Variants in SYT3 observed in about 807,000 individuals in gnomAD.
The protein encoded by SYT3 is synaptotagmin 3, also known as synaptotagmin-3.
In SYT3, 25 loss-of-function variants were observed where a neutral mutation model predicts 50.6. That is an observed-to-expected ratio of 0.49 (90% CI 0.36 to 0.69). The LOEUF (loss-of-function observed/expected upper bound fraction) is 0.69, where lower values mean the gene tolerates loss of function less well. SYT3 is among the 30% of genes least tolerant of loss of function. SYT3 has a pLI of 0.00. For synonymous variants in SYT3, 323 were observed against 353.9 expected (o/e 0.91, Z 0.98); for missense variants, 589 against 793.6 (o/e 0.74, Z 3.10).
At chr19:50,641,845 G>A (rs1305837374), upstream of SYT3, among the ~76,000 whole-genome samples, 1 of 151,998 alleles carries the variant, frequency 6.6e-6, no homozygotes, top group Non-Finnish European at 1.5e-5. Context: ...GTGAGACCCT[G>A]TCTCAAAAAT....
the SYT3 span, among the ~76,000 whole-genome samples, chr19:50,657,504 TA>T: frequency 6.6e-6 from 1 of 152,212 alleles, no homozygotes; most frequent in Non-Finnish European, 1.5e-5. Context: ...TTCTGAATGT[TA>T]AATAGATTGA....
chr19:50,629,222 G>C (rs1372756046), intron 6 of SYT3, 72 bp downstream of exon 6: 1 of 1,244,930 alleles, frequency 8.0e-7, no homozygotes, highest in African/African-American at 1.5e-5. Flanking sequence ...TGAACTCTGA[G>C]GGCAGGGGGC....
Position 50,622,301 on chromosome 19 carries a change from AAAG to A in SYT3, c.*181_*183del, listed in dbSNP as rs1482374152. On this transcript the variant is annotated 3_prime_UTR_variant, in exon 11 of 11. Coordinates refer to ENST00000600079, the MANE Select transcript of SYT3 (RefSeq NM_001160329.2). ...TGGAGGCTGAATGACCCCCACCCTG[AAAG>A]AAGGAGCTGGGCCGGCCTCCTCTCA... 2 of 189,046 alleles carry A rather than the reference AAAG, an allele frequency of 1.1e-5. No homozygotes were observed. The highest frequency in any genetic ancestry group is 2.2e-5 in the Non-Finnish European group (2 of 91,794). 11.7% of individuals were successfully genotyped at this position (189,046 alleles called of 1,614,324 possible). A position where few individuals can be genotyped will look rare whatever the true frequency, so the allele number is the denominator to read the frequency against.
intron 3 of SYT3, among the ~76,000 whole-genome samples, chr19:50,635,211 A>G (rs1183909296): frequency 6.6e-6 from 1 of 152,072 alleles, no homozygotes; most frequent in Non-Finnish European, 1.5e-5. Context: ...CCTGGCCCAG[A>G]GTGCTCCTTT....
At chr19:50,642,810 G>C (rs1984701887), upstream of SYT3, among the ~76,000 whole-genome samples, 1 of 152,024 alleles carries the variant, frequency 6.6e-6, no homozygotes, top group African/African-American at 2.4e-5. Context: ...CTCCAGCCTG[G>C]GCAACAAGAG....
the SYT3 span, among the ~76,000 whole-genome samples, chr19:50,652,805 C>T: frequency 4.6e-5 from 7 of 151,932 alleles, no homozygotes; most frequent in Admixed American, 2.0e-4. Context: ...AACTGGAGAG[C>T]GAGAGGAGTT....
intron 2 of SYT3, among the ~76,000 whole-genome samples, chr19:50,638,664 G>A (rs1227439731): frequency 6.6e-6 from 1 of 152,134 alleles, no homozygotes; most frequent in Non-Finnish European, 1.5e-5. Flanking sequence ...GGGCAGGCAG[G>A]AGTGTGGGCA....
the SYT3 span, among the ~76,000 whole-genome samples, chr19:50,656,613 T>G: frequency 1.3e-5 from 2 of 152,016 alleles, no homozygotes; most frequent in Non-Finnish European, 2.9e-5. Flanking sequence ...GGAGTCCTAC[T>G]AATCCACTTC....
intron 9 of SYT3, among the ~76,000 whole-genome samples, chr19:50,624,592 G>T (rs188908485): frequency 7.1e-6 from 1 of 141,144 alleles, no homozygotes; most frequent in Non-Finnish European, 1.5e-5. Flanking sequence ...TTGCTCTGTC[G>T]CCCAGGCTGG....
intron 4 of SYT3, among the ~76,000 whole-genome samples, chr19:50,630,845 T>A (rs1157320324): frequency 1.3e-5 from 2 of 152,098 alleles, no homozygotes; most frequent in African/African-American, 4.8e-5. Context: ...TGGCAGACCT[T>A]CTTTGAACGC....
chr19:50,653,392 A>G, the SYT3 span, among the ~76,000 whole-genome samples: 45,772 of 151,670 alleles, frequency 0.3, 7,408 homozygotes, highest in African/African-American at 0.42. Flanking sequence ...CAGTAAGCAC[A>G]TAGTTATATT....
In SYT3 at chr19:50,625,690, C is replaced by T. The variant is rs1412371413; in HGVS notation, c.1403-126G>A. 2.9e-6 allele frequency: 4 copies of T among 1,399,038 alleles called. No individual in the cohort carries two copies. Among genetic ancestry groups the T allele is most frequent in the Non-Finnish European group, 3.8e-6 (4 of 1,048,314 alleles). 86.7% of individuals were successfully genotyped at this position (1,399,038 alleles called of 1,614,324 possible). On this transcript the variant is annotated intron_variant, in intron 7 of 10. Coordinates refer to ENST00000600079, the MANE Select transcript of SYT3 (RefSeq NM_001160329.2). The surrounding 1 kb of genome is among the most constrained non-coding windows in gnomAD (Gnocchi z 7.5). ...CGGGGCCCCAGGCCCCCAGTCCCTC[C>T]TTCCTCAGGCCCAAGAGTCCAGACC...
chr19:50,649,609 C>A, the SYT3 span: 1 of 1,305,806 alleles, frequency 7.7e-7, no homozygotes, highest in Non-Finnish European at 1.1e-6. Context: ...GAGTCACTGG[C>A]ACTCCAAAGT....
Position 50,630,170 on chromosome 19 carries a change from A to C in SYT3, c.676T>G (p.Tyr226Asp). The change falls in exon 5 of 11, where the codon TAC (tyrosine) becomes GAC (aspartate). Residue 226 changes from tyrosine (Y) to aspartate (D), a missense_variant and splice_region_variant. Coordinates refer to ENST00000600079, the MANE Select transcript of SYT3 (RefSeq NM_001160329.2). ...QVTSLAPTTRYPALPRPLTQQ... is the reference protein window; with the variant it reads ...QVTSLAPTTRDPALPRPLTQQ... The stretch of plus-strand genomic sequence containing the variant: ...GTGAGGGGTCGGGGCAGGGCTGGGT[A>C]CCTGTAGGGGGTTGGGGGGAGACCA... 2.6e-6 allele frequency: 4 copies of C among 1,518,302 alleles called. No individual in the cohort carries two copies. Among genetic ancestry groups the C allele is most frequent in the Non-Finnish European group, 3.5e-6 (4 of 1,130,094 alleles). 94.1% of individuals were successfully genotyped at this position (1,518,302 alleles called of 1,614,324 possible).
At chr19:50,640,149 C>T (rs77201301), upstream of SYT3, among the ~76,000 whole-genome samples, 1,215 of 152,262 alleles carry the variant, frequency 8.0e-3, 21 homozygotes, top group African/African-American at 0.027. Context: ...TTCCCAGGAA[C>T]CCAGGACTTC....
In SYT3 at chr19:50,632,807, G is replaced by C; in HGVS notation, c.153C>G (p.Ile51Met). ...RGYPRGPDAD[I>M]SVSLLSVIVT... The stretch of plus-strand genomic sequence containing the variant: ...CGATGACCGACAGCAGGCTCACGGA[G>C]ATGTCTGGAGAGAACGAGGACAGAG... The change falls in exon 4 of 11, where the codon ATC becomes ATG. Residue 51 changes from isoleucine to methionine, a missense_variant. By Grantham distance (10) the Ile-to-Met change is conservative. This residue lies in a region of SYT3 where 316 missense variants were observed against 354.3 expected (regional missense o/e 0.89). Coordinates refer to ENST00000600079, the MANE Select transcript of SYT3 (RefSeq NM_001160329.2). The surrounding 1 kb of genome is among the most constrained non-coding windows in gnomAD (Gnocchi z 4.7). The C allele has an allele frequency of 6.6e-7, 1 of 1,505,346 alleles. No homozygotes were observed. Among genetic ancestry groups the C allele is most frequent in the Non-Finnish European group, 8.9e-7 (1 of 1,129,662 alleles). 93.2% of individuals were successfully genotyped at this position (1,505,346 alleles called of 1,614,324 possible). A position where few individuals can be genotyped will look rare whatever the true frequency, so the allele number is the denominator to read the frequency against.
chr19:50,632,394 G>A lies in SYT3; in HGVS notation c.566C>T (p.Pro189Leu). The change falls in exon 4 of 11, where the codon CCC becomes CTC. Residue 189 changes from proline (P) to leucine (L), a missense_variant. Physicochemically the swap from Pro to Leu is moderately conservative, Grantham distance 98. This residue lies in a region of SYT3 where 316 missense variants were observed against 354.3 expected (regional missense o/e 0.89). Coordinates refer to ENST00000600079, the MANE Select transcript of SYT3 (RefSeq NM_001160329.2). The surrounding 1 kb of genome is among the most constrained non-coding windows in gnomAD (Gnocchi z 4.7). ...VKPSQTSPEL[P>L]SEGGAGSGLL... ...CCCAGAGCCTGCTCCCCCCTCAGAG[G>A]GCAGCTCAGGGGATGTTTGGCTCGG... 6.2e-7 allele frequency: 1 copy of A among 1,613,576 alleles called. No individual in the cohort carries two copies. Among genetic ancestry groups the A allele is most frequent in the Non-Finnish European group, 8.5e-7 (1 of 1,179,746 alleles).
At position 50,625,130 on chromosome 19, in the gene SYT3, T is replaced by TGAC; in HGVS notation, c.1707+31_1707+32insGTC. 1 of 1,533,570 alleles carries TGAC rather than the reference T, an allele frequency of 6.5e-7. No homozygotes were observed. Among genetic ancestry groups the TGAC allele is most frequent in the East Asian group, 2.3e-5 (1 of 43,490 alleles). 95.0% of individuals were successfully genotyped at this position (1,533,570 alleles called of 1,614,324 possible). ...GAAGGGGCCGAGGGTGCACGGGTGCTTGTCAGGGGTCGGTGTGGGACCCCT... is the reference window on the plus strand; with the variant it reads ...GAAGGGGCCGAGGGTGCACGGGTGCTGACTGTCAGGGGTCGGTGTGGGACCCCT... On this transcript the variant is annotated intron_variant, in intron 9 of 10. Coordinates refer to ENST00000600079, the MANE Select transcript of SYT3 (RefSeq NM_001160329.2). The surrounding 1 kb of genome is among the most constrained non-coding windows in gnomAD (Gnocchi z 7.5).
At chr19:50,656,475 G>T in the SYT3 span, 366 of 1,290,168 alleles carry the variant, frequency 2.8e-4, no homozygotes, top group Non-Finnish European at 3.6e-4. Flanking sequence ...CTTGCCACCA[G>T]GACAGTTTGC....
Sources: allele counts gnomAD v4.1 joint callset (sites outside exome capture counted in the v4.1 genomes callset), GRCh38; gene constraint gnomAD v4.1.1; regional missense constraint gnomAD v4.1.1; non-coding constraint Gnocchi (gnomAD v3.1); transcripts MANE v1.5; gene names NCBI Gene and HGNC (gene_info 2026-07-23, HGNC 2026-07-21).